IL1RAPL2: variants seen among roughly 807,000 people sequenced by gnomAD.
The protein encoded by IL1RAPL2 is X-linked interleukin-1 receptor accessory protein-like 2.
IL1RAPL2 carries 3 observed loss-of-function variants against 44.1 expected under a neutral mutation model. That is an observed-to-expected ratio of 0.07 (90% confidence interval 0.03 to 0.18). The LOEUF is 0.18. Ranked by LOEUF, IL1RAPL2 falls within the 10% of genes least tolerant of loss-of-function variation. IL1RAPL2 has a pLI of 1.00. For synonymous variants in IL1RAPL2, 181 were observed against 178.8 expected (o/e 1.01, Z -0.10); for missense variants, 391 against 496.4 (o/e 0.79, Z 2.02).
At chrX:105,653,266 A>G (rs1383082127) in intron 6 of IL1RAPL2, among the ~76,000 whole-genome samples, 1 of 111,512 alleles carries the variant, frequency 9.0e-6, no homozygotes, top group Non-Finnish European at 1.9e-5. Context: ...AATTCTGCAC[A>G]TAAAAATGCA....
At chrX:105,640,668 A>ATATATC (rs1490960239) in intron 6 of IL1RAPL2, among the ~76,000 whole-genome samples, 2 of 80,949 alleles carry the variant, frequency 2.5e-5, no homozygotes, top group East Asian at 6.7e-4. Flanking sequence ...ATATATATAT[A>ATATATC]TATATATATA....
intron 2 of IL1RAPL2, among the ~76,000 whole-genome samples, chrX:105,055,060 T>C (rs2031975651): frequency 8.9e-6 from 1 of 112,418 alleles, no homozygotes; most frequent in South Asian, 3.7e-4. Context: ...TTCTACATAG[T>C]TGTCTTAGTC....
chrX:105,263,042 C>T (rs977686423), intron 4 of IL1RAPL2, among the ~76,000 whole-genome samples: 5 of 110,325 alleles, frequency 4.5e-5, no homozygotes, highest in South Asian at 3.9e-4. Flanking sequence ...TGCACCACCA[C>T]GCCCAGGTAA....
chrX:104,773,459 A>G (rs1402715374), intron 2 of IL1RAPL2, among the ~76,000 whole-genome samples: 3 of 111,026 alleles, frequency 2.7e-5, no homozygotes, highest in African/African-American at 9.8e-5. Flanking sequence ...TTGAAACCAC[A>G]CTTTTATTTC....
chrX:104,704,836 T>C (rs976768923), intron 2 of IL1RAPL2, among the ~76,000 whole-genome samples: 3 of 112,044 alleles, frequency 2.7e-5, no homozygotes, highest in African/African-American at 9.7e-5. Flanking sequence ...ACAGTTCACA[T>C]AGCAAATTAT....
chrX:104,817,889 A>G (rs1488106817), intron 2 of IL1RAPL2, among the ~76,000 whole-genome samples: 1 of 111,475 alleles, frequency 9.0e-6, no homozygotes, highest in Non-Finnish European at 1.9e-5. Flanking sequence ...GATACAAGGA[A>G]GGATCAAGGA....
At chrX:105,308,879 G>A (rs1456722321) in intron 5 of IL1RAPL2, among the ~76,000 whole-genome samples, 2 of 111,507 alleles carry the variant, frequency 1.8e-5, no homozygotes, top group Non-Finnish European at 1.9e-5. Context: ...CAAAGTTCTT[G>A]TATTATTTTA....
chrX:105,218,916 T>A, intron 3 of IL1RAPL2: 2 of 973,284 alleles, frequency 2.1e-6, no homozygotes, highest in Non-Finnish European at 2.8e-6. Flanking sequence ...TGAAAATTAA[T>A]TCGCCATCGA....
At chrX:105,641,145 ATTTTC>A (rs747383184) in intron 6 of IL1RAPL2, among the ~76,000 whole-genome samples, 1 of 111,172 alleles carries the variant, frequency 9.0e-6, no homozygotes, top group South Asian at 3.7e-4. Flanking sequence ...GGGAAAATAG[ATTTTC>A]TTGAGTTGAT....
intron 6 of IL1RAPL2, among the ~76,000 whole-genome samples, chrX:105,510,993 C>T (rs1369104563): frequency 9.0e-6 from 1 of 111,477 alleles, no homozygotes; most frequent in Non-Finnish European, 1.9e-5. Context: ...GAAAGAGGAA[C>T]CAACACCATA....
At chrX:105,282,846 A>G (rs1408813878) in intron 5 of IL1RAPL2, among the ~76,000 whole-genome samples, 1 of 111,726 alleles carries the variant, frequency 9.0e-6, no homozygotes, top group Non-Finnish European at 1.9e-5. Flanking sequence ...ACTGTAGCAT[A>G]ATAGTTGAAT....
chrX:104,619,741 T>C (rs1929350059), intron 1 of IL1RAPL2, among the ~76,000 whole-genome samples: 1 of 112,259 alleles, frequency 8.9e-6, no homozygotes, highest in Non-Finnish European at 1.9e-5. Flanking sequence ...TAGACCAACA[T>C]TTATGTATAT....
At chrX:105,306,394 T>C (rs1001670796) in intron 5 of IL1RAPL2, among the ~76,000 whole-genome samples, 1 of 111,682 alleles carries the variant, frequency 9.0e-6, no homozygotes, top group African/African-American at 3.3e-5. Flanking sequence ...TTTCAACTAA[T>C]CTGAAGTCTT....
At chrX:105,507,710 C>T (rs1419152982) in intron 6 of IL1RAPL2, among the ~76,000 whole-genome samples, 1 of 111,512 alleles carries the variant, frequency 9.0e-6, no homozygotes, top group Non-Finnish European at 1.9e-5. Context: ...CTCTGATTAT[C>T]TCTAATTATC....
chrX:104,577,819 C>T (rs557209891), intron 1 of IL1RAPL2, among the ~76,000 whole-genome samples: 6 of 110,320 alleles, frequency 5.4e-5, no homozygotes, highest in East Asian at 5.8e-4. Flanking sequence ...CTGGCAAGGC[C>T]GGATAGTTGA....
intron 1 of IL1RAPL2, among the ~76,000 whole-genome samples, chrX:104,597,022 A>G (rs1180150162): frequency 4.5e-5 from 5 of 111,083 alleles, no homozygotes; most frequent in African/African-American, 1.6e-4. Flanking sequence ...AGGAAGCCAA[A>G]GGAGAACTAT....
chrX:105,725,728 T>C (rs1382236599), intron 7 of IL1RAPL2, among the ~76,000 whole-genome samples: 1 of 111,770 alleles, frequency 8.9e-6, no homozygotes, highest in Non-Finnish European at 1.9e-5. Context: ...TCACACAATT[T>C]TTAATGTCTT....
intron 2 of IL1RAPL2, among the ~76,000 whole-genome samples, chrX:104,963,322 C>T (rs1293005563): frequency 8.9e-6 from 1 of 112,059 alleles, no homozygotes; most frequent in Non-Finnish European, 1.9e-5. Flanking sequence ...ATTTGATCTT[C>T]CAACCAAGGA....
intron 2 of IL1RAPL2, among the ~76,000 whole-genome samples, chrX:104,913,721 A>G (rs1018287559): frequency 1.8e-5 from 2 of 112,277 alleles, no homozygotes; most frequent in African/African-American, 6.5e-5. Context: ...AGAATTTTGC[A>G]AATGCCATCC....
Sources: gnomAD v4.1 joint callset for allele counts (sites outside exome capture counted in the v4.1 genomes callset) on GRCh38, gnomAD v4.1.1 for gene constraint, MANE v1.5 for transcripts, NCBI Gene and HGNC (gene_info 2026-07-23, HGNC 2026-07-21) for gene names.